Variants in ASIC2 observed in about 807,000 individuals in gnomAD.
ASIC2 encodes the protein acid sensing ion channel subunit 2.
ASIC2 carries 25 observed loss-of-function variants against 57.3 expected under a neutral mutation model. The observed-to-expected ratio is 0.44, with a 90% CI of 0.32 to 0.61. The LOEUF is 0.61. Ranked by LOEUF, ASIC2 falls within the 20% of genes least tolerant of loss-of-function variation. The pLI, the probability that ASIC2 is intolerant of heterozygous loss-of-function variation, is 0.06. For missense variants in ASIC2, 641 were observed against 738.1 expected (o/e 0.87, Z 1.52); for synonymous variants, 319 against 307.5 (o/e 1.04, Z -0.39).
intron 1 of ASIC2, among the ~76,000 whole-genome samples, chr17:33,286,936 G>A (rs1172589947): frequency 2.6e-5 from 4 of 152,202 alleles, no homozygotes; most frequent in Non-Finnish European, 5.9e-5. Flanking sequence ...ACTGGAAAAT[G>A]AGAAAATGAG....
intron 1 of ASIC2, among the ~76,000 whole-genome samples, chr17:33,810,870 C>CGCAT (rs1169903814): frequency 1.3e-5 from 1 of 77,970 alleles, no homozygotes; most frequent in Non-Finnish European, 2.6e-5. Flanking sequence ...TATGCACACA[C>CGCAT]ACATACACAC....
intron 1 of ASIC2, among the ~76,000 whole-genome samples, chr17:33,696,516 T>C (rs1486068302): frequency 2.0e-5 from 3 of 152,188 alleles, no homozygotes; most frequent in Non-Finnish European, 4.4e-5. Flanking sequence ...CGAGGGAGGA[T>C]GAGCAAAGTA....
At chr17:33,136,067 G>C (rs2092365802) in intron 1 of ASIC2, among the ~76,000 whole-genome samples, 1 of 152,224 alleles carries the variant, frequency 6.6e-6, no homozygotes, top group South Asian at 2.1e-4. Context: ...TTCATGTCCT[G>C]ACCTTGGGCT....
intron 1 of ASIC2, among the ~76,000 whole-genome samples, chr17:33,264,329 T>C (rs1305529631): frequency 2.0e-5 from 3 of 152,240 alleles, no homozygotes; most frequent in African/African-American, 4.8e-5. Context: ...ACTATGTGCA[T>C]GGCATGACTG....
Position 33,087,725 on chromosome 17 carries a change from A to T in ASIC2, c.987+1138T>A, listed in dbSNP as rs888607676. 1.9e-3 allele frequency among the ~76,000 whole-genome samples: 267 copies of T among 141,124 alleles called. 2 individuals are homozygous for T. Among genetic ancestry groups the T allele is most frequent in the African/African-American group, 6.8e-3 (247 of 36,246 alleles). 92.6% of individuals were successfully genotyped at this position (141,124 alleles called of 152,430 possible). A position where few individuals can be genotyped will look rare whatever the true frequency, so the allele number is the denominator to read the frequency against. On this transcript the variant is annotated intron_variant, in intron 3 of 9. Transcript: ENST00000225823. ...TCACAGGCATGCACTACCATGCCTAATTTTTTTTTTTTTGGTAGAGATAAG... is the reference window on the plus strand; with the variant it reads ...TCACAGGCATGCACTACCATGCCTATTTTTTTTTTTTTTGGTAGAGATAAG...
intron 1 of ASIC2, among the ~76,000 whole-genome samples, chr17:33,864,584 A>G (rs368615335): frequency 4.2e-4 from 64 of 152,252 alleles, no homozygotes; most frequent in African/African-American, 1.5e-3. Flanking sequence ...GAGTTCTTTT[A>G]ATGGTAAAGG....
chr17:34,012,561 A>G (rs1425552761), intron 1 of ASIC2, among the ~76,000 whole-genome samples: 3 of 152,126 alleles, frequency 2.0e-5, no homozygotes, highest in Non-Finnish European at 2.9e-5. Flanking sequence ...GCTTTTCCTG[A>G]TGAGCCCTCT....
At chr17:33,569,076 A>G (rs1302495863) in intron 1 of ASIC2, 4 of 152,290 alleles carry the variant, frequency 2.6e-5, no homozygotes, top group Non-Finnish European at 5.9e-5. Flanking sequence ...CATGAGAATA[A>G]GATGGTGGAG....
rs537682988 is a variant in ASIC2, at chr17:33,314,910, G to T, written c.556-202843C>A. 1.2e-4 allele frequency among the ~76,000 whole-genome samples: 19 copies of T among 152,282 alleles called. No individual in the cohort carries two copies. In the South Asian group the frequency reaches 3.1e-3, roughly 25 times the overall value. ...TTAATTGGGAAGCTGGCAATGTAGG[G>T]AGGTAGGGAGGCTGCATGAGACACA... On this transcript the variant is annotated intron_variant, in intron 1 of 9. Transcript: ENST00000359872.
chr17:33,910,956 T>G (rs957337533), intron 1 of ASIC2, among the ~76,000 whole-genome samples: 1 of 151,596 alleles, frequency 6.6e-6, no homozygotes, highest in Non-Finnish European at 1.5e-5. Flanking sequence ...CCAAAGGGAG[T>G]TGAGAAAACA....
rs1377251427 is a variant in ASIC2 at position 33,634,585 on chromosome 17, G to A, written c.555+521393C>T. 2.1e-5 allele frequency among the ~76,000 whole-genome samples: 3 copies of A among 143,016 alleles called. No homozygotes were observed. The East Asian group carries it at 6.1e-4, about 29-fold the overall frequency. 93.8% of individuals were successfully genotyped at this position (143,016 alleles called of 152,430 possible). ...GGCTGGAGTGCAGTAGTGCGATCTT[G>A]GCTCACTGCAAGCTCCGCCTCCCGG... On this transcript the variant is annotated intron_variant, in intron 1 of 9. Transcript: ENST00000359872.
intron 1 of ASIC2, among the ~76,000 whole-genome samples, chr17:33,443,121 A>C (rs2141985156): frequency 6.6e-6 from 1 of 152,342 alleles, no homozygotes; most frequent in East Asian, 1.9e-4. Context: ...ACTGTGTCAC[A>C]GTATATAATC....
chr17:33,725,421 G>A (rs1425100195), intron 1 of ASIC2, among the ~76,000 whole-genome samples: 1 of 152,074 alleles, frequency 6.6e-6, no homozygotes, highest in Non-Finnish European at 1.5e-5. Flanking sequence ...GAGGCAGGCA[G>A]GGCAGCCTGC....
At chr17:34,136,673 C>G (rs771017241) in intron 1 of ASIC2, among the ~76,000 whole-genome samples, 8 of 152,214 alleles carry the variant, frequency 5.3e-5, no homozygotes, top group Non-Finnish European at 1.0e-4. Flanking sequence ...CCTGTAACTT[C>G]TGTCTCCCTA....
At chr17:33,033,202 C>G (rs749623604) in intron 3 of ASIC2, among the ~76,000 whole-genome samples, 1 of 152,206 alleles carries the variant, frequency 6.6e-6, no homozygotes, top group Non-Finnish European at 1.5e-5. Flanking sequence ...TGAGTTAAGA[C>G]TGGAGCTCCC....
intron 1 of ASIC2, among the ~76,000 whole-genome samples, chr17:33,348,779 G>A (rs1321051717): frequency 6.6e-6 from 1 of 152,202 alleles, no homozygotes; most frequent in South Asian, 2.1e-4. Context: ...TCTCTCCTGA[G>A]GTTGCATAGT....
chr17:33,823,796 T>G (rs1021581526), intron 1 of ASIC2, among the ~76,000 whole-genome samples: 1 of 152,216 alleles, frequency 6.6e-6, no homozygotes, highest in African/African-American at 2.4e-5. Flanking sequence ...TTCCAGCTGC[T>G]GGCTTTTATC....
chr17:34,124,034 T>G (rs977477057), intron 1 of ASIC2, among the ~76,000 whole-genome samples: 5 of 152,170 alleles, frequency 3.3e-5, no homozygotes. Context: ...TGAGCCAAGA[T>G]CATGCCACTG....
intron 1 of ASIC2, among the ~76,000 whole-genome samples, chr17:33,167,710 G>A (rs1905354869): frequency 6.6e-6 from 1 of 152,194 alleles, no homozygotes; most frequent in Non-Finnish European, 1.5e-5. Flanking sequence ...TATGAGCCAT[G>A]CTCAGCAAAA....
Sources: allele counts gnomAD v4.1 joint callset (sites outside exome capture counted in the v4.1 genomes callset), GRCh38; gene constraint gnomAD v4.1.1; transcripts MANE v1.5; gene names NCBI Gene and HGNC (gene_info 2026-07-23, HGNC 2026-07-21).